Variants in ENO4 observed in about 807,000 individuals in gnomAD.
ENO4 encodes the protein enolase 4, also known as 2-phospho-D-glycerate hydro-lyase.
In ENO4, 53 loss-of-function variants were observed where a neutral mutation model predicts 63.2. The ratio of observed to expected loss-of-function variants is 0.84; its 90% CI spans 0.67 to 1.05. The LOEUF (loss-of-function observed/expected upper bound fraction) is 1.05, where lower values mean the gene tolerates loss of function less well. Ranked by LOEUF, ENO4 falls within the 50% of genes least tolerant of loss-of-function variation. The pLI is 0.00. For missense variants in ENO4, 719 were observed against 772.0 expected (o/e 0.93, Z 0.81); for synonymous variants, 266 against 283.8 (o/e 0.94, Z 0.63).
chr10:116,886,268 C>A (rs1281208670), downstream of ENO4: 28 of 1,541,450 alleles, frequency 1.8e-5, no homozygotes, highest in Non-Finnish European at 2.4e-5. Context: ...TGTCTACAGC[C>A]CTTGCCAATA....
intron 6 of ENO4, 30 bp from the exon 7 acceptor site, chr10:116,862,769 T>C (rs1846449784): frequency 6.5e-7 from 1 of 1,532,952 alleles, no homozygotes; most frequent in African/African-American, 1.4e-5. Context: ...AGTCTGCAAC[T>C]GTGGAAGATC....
At chr10:116,905,369 G>A (rs1847930378) in intron 10 of ENO4, among the ~76,000 whole-genome samples, 1 of 152,112 alleles carries the variant, frequency 6.6e-6, no homozygotes, top group Admixed American at 6.6e-5. Context: ...AGAAAAAAAT[G>A]TTGTGGTACC....
intron 13 of ENO4, among the ~76,000 whole-genome samples, chr10:116,881,262 C>T (rs1379684341): frequency 1.3e-5 from 2 of 152,234 alleles, no homozygotes; most frequent in Middle Eastern, 3.4e-3. Flanking sequence ...AAGCCTCTGC[C>T]CAAAGTCCAT....
chr10:116,879,904 G>A lies in ENO4; in HGVS notation c.1641G>A (p.Gly547=), dbSNP rs1382039813. The change falls in exon 13 of 14, where the codon GGG becomes GGA. Residue 547 remains glycine, a synonymous_variant. Coordinates refer to ENST00000341276, the MANE Select transcript of ENO4 (RefSeq NM_001242699.2). The stretch of plus-strand genomic sequence containing the variant: ...TTGGTGTCCGGTTCATCAAGTTGGG[G>A]GGTCTTTCCCGTGGTGAACGAGTGA... ...VGLGVRFIKL[G]GLSRGERVTK... 2 of 1,550,490 alleles carry A rather than the reference G, an allele frequency of 1.3e-6. No homozygotes were observed. The highest frequency in any genetic ancestry group is 2.4e-5 in the East Asian group (1 of 40,882).
chr10:116,855,495 A>G lies in ENO4; in HGVS notation c.166-128A>G, dbSNP rs189918176. 235 of 1,162,098 alleles carry G rather than the reference A, an allele frequency of 2.0e-4. No homozygotes were observed. In the African/African-American group the frequency reaches 3.2e-3, roughly 16 times the overall value. The allele number at this position is 1,162,098 out of a possible 1,614,324, so 72.0% of individuals were successfully genotyped here. On this transcript the variant is annotated intron_variant, in intron 1 of 13. Transcript: ENST00000341276. ...CTGGCATCAGGAAGAATACTCGCGG[A>G]GAGGTTTGGTAGAAACTAGAGTCAA...
intron 10 of ENO4, among the ~76,000 whole-genome samples, chr10:116,907,308 C>T (rs1302568331): frequency 6.6e-6 from 1 of 152,134 alleles, no homozygotes; most frequent in Non-Finnish European, 1.5e-5. Context: ...ATCTTGACTT[C>T]AGTATGAAAG....
At chr10:116,896,871 AT>A (rs1348484497) in intron 10 of ENO4, among the ~76,000 whole-genome samples, 2 of 151,110 alleles carry the variant, frequency 1.3e-5, no homozygotes, top group African/African-American at 4.9e-5. Context: ...CAGTGGCACA[AT>A]CTGGGCTCAC....
At chr10:116,898,488 G>A (rs1326053927) in intron 10 of ENO4, among the ~76,000 whole-genome samples, 1 of 152,076 alleles carries the variant, frequency 6.6e-6, no homozygotes, top group Admixed American at 6.6e-5. Flanking sequence ...TGCACTTAAT[G>A]TGCCTGGTCA....
chr10:116,890,537 A>G (rs1452552652), intron 10 of ENO4, among the ~76,000 whole-genome samples: 1 of 152,240 alleles, frequency 6.6e-6, no homozygotes, highest in East Asian at 1.9e-4. Flanking sequence ...CCATTCATAT[A>G]GATATTTTTC....
chr10:116,908,428 T>C (rs1848059167), intron 10 of ENO4, among the ~76,000 whole-genome samples: 1 of 152,164 alleles, frequency 6.6e-6, no homozygotes. Flanking sequence ...GTATGACCAA[T>C]ACTGACAAGA....
In ENO4 at chr10:116,881,625, C is replaced by CAAGGT; in HGVS notation, c.1835_1839dup (p.Val614LysfsTer3). ...GCCGCTGGTGCCCACCTTCCCCACA[C>CAAGGT]AAGGTGTAGAGGAATCAGCCGAAAC... On this transcript the variant is annotated frameshift_variant, in exon 14 of 14. Coordinates refer to ENST00000341276, the MANE Select transcript of ENO4 (RefSeq NM_001242699.2). LOFTEE classifies it low-confidence loss of function (END_TRUNC). The CAAGGT allele has an allele frequency of 6.4e-7, 1 of 1,550,430 alleles. No individual in the cohort carries two copies. The highest frequency in any genetic ancestry group is 8.7e-7 in the Non-Finnish European group (1 of 1,146,930).
chr10:116,849,556 A>T lies in ENO4; in HGVS notation c.-11A>T. On this transcript the variant is annotated 5_prime_UTR_variant, in exon 1 of 14. Coordinates refer to ENST00000341276, the MANE Select transcript of ENO4 (RefSeq NM_001242699.2). ...CAGGCTAAACCCCGCTGTAGCCTTA[A>T]ATCTCCTACCATGGAGGAAGAAGGC... The T allele has an allele frequency of 1.3e-6, 2 of 1,528,372 alleles. No homozygotes were observed. The highest frequency in any genetic ancestry group is 2.1e-5 in the Admixed American group (1 of 48,298). 94.7% of individuals were successfully genotyped at this position (1,528,372 alleles called of 1,614,324 possible). A position where few individuals can be genotyped will look rare whatever the true frequency, so the allele number is the denominator to read the frequency against.
chr10:116,880,576 C>A (rs1846977091), intron 13 of ENO4, among the ~76,000 whole-genome samples: 1 of 152,160 alleles, frequency 6.6e-6, no homozygotes, highest in East Asian at 1.9e-4. Flanking sequence ...CTATAGCATG[C>A]AGTGGCATTT....
chr10:116,911,778 A>G, exon 11 of ENO4: 1 of 1,606,406 alleles, frequency 6.2e-7, no homozygotes, highest in Non-Finnish European at 8.5e-7. Context: ...ATAAACTGAA[A>G]TCTATTCTTA....
chr10:116,901,150 C>T (rs1283841809), intron 10 of ENO4: 15 of 985,252 alleles, frequency 1.5e-5, no homozygotes, highest in Non-Finnish European at 1.8e-5. Flanking sequence ...AAACTGTAGA[C>T]TAATTTCAAA....
At chr10:116,886,333 T>C (rs988304004), downstream of ENO4, 6 of 1,552,332 alleles carry the variant, frequency 3.9e-6, no homozygotes, top group African/African-American at 8.2e-5. Context: ...GTCAGGCTTC[T>C]GGTTTATGGA....
chr10:116,879,034 T>C (rs767930005), intron 11 of ENO4, among the ~76,000 whole-genome samples: 18 of 152,280 alleles, frequency 1.2e-4, no homozygotes, highest in Middle Eastern at 3.4e-3. Context: ...TGAGCCACCG[T>C]GCCCAGCCAT....
chr10:116,903,004 A>C (rs1034577619), intron 10 of ENO4, among the ~76,000 whole-genome samples: 6 of 152,222 alleles, frequency 3.9e-5, no homozygotes, highest in Non-Finnish European at 7.3e-5. Flanking sequence ...ATAGCGTAAC[A>C]TATCAACTCT....
chr10:116,882,909 G>A (rs1402991194), downstream of ENO4: 3 of 150,922 alleles, frequency 2.0e-5, no homozygotes, highest in Non-Finnish European at 4.4e-5. Flanking sequence ...GAAACTGGAA[G>A]GAAAATTCAT....
Sources: gnomAD v4.1 joint callset for allele counts (sites outside exome capture counted in the v4.1 genomes callset) on GRCh38, gnomAD v4.1.1 for gene constraint, MANE v1.5 for transcripts, NCBI Gene and HGNC (gene_info 2026-07-23, HGNC 2026-07-21) for gene names.